CTNNA3: variants seen among roughly 807,000 people sequenced by gnomAD.
CTNNA3 encodes catenin alpha-3.
Under a neutral mutation model 95.7 loss-of-function variants are expected in CTNNA3, and 76 were observed. The ratio of observed to expected loss-of-function variants is 0.79; its 90% confidence interval spans 0.66 to 0.96. The LOEUF (loss-of-function observed/expected upper bound fraction) is 0.96, where lower values mean the gene tolerates loss of function less well. Among genes scored for constraint, CTNNA3 ranks in the 40% least tolerant of loss-of-function variants. The pLI is 0.00. For missense variants in CTNNA3, 1,191 were observed against 1,089.8 expected (o/e 1.09, Z -1.31); for synonymous variants, 431 against 374.4 (o/e 1.15, Z -1.74).
At chr10:67,031,363 T>C (rs1212395115) in intron 7 of CTNNA3, among the ~76,000 whole-genome samples, 1 of 152,154 alleles carries the variant, frequency 6.6e-6, no homozygotes, top group Non-Finnish European at 1.5e-5. Context: ...AAAAAATCAG[T>C]GTCAGATCTA....
rs79266616 is a variant in CTNNA3, at chr10:66,699,037, G to C, written c.1281+67227C>G. Among the ~76,000 whole-genome samples, 1,053 of 152,214 alleles carry C rather than the reference G, an allele frequency of 6.9e-3. 15 individuals are homozygous for C. Among genetic ancestry groups the C allele is most frequent in the African/African-American group, 0.024 (1,013 of 41,508 alleles). ...TATATTTGTGTATGTCTATATATAT[G>C]TACCTTTACACATACACACAGATAC... On this transcript the variant is annotated intron_variant, in intron 9 of 17. Transcript: ENST00000433211.
chr10:66,359,876 T>TAG (rs2092640082), intron 12 of CTNNA3, among the ~76,000 whole-genome samples: 2 of 151,566 alleles, frequency 1.3e-5, no homozygotes, highest in South Asian at 4.2e-4. Flanking sequence ...ATCCAGGCTG[T>TAG]AGTGCAGTGG....
At chr10:66,199,577 G>C (rs2087185342) in intron 13 of CTNNA3, among the ~76,000 whole-genome samples, 1 of 150,616 alleles carries the variant, frequency 6.6e-6, no homozygotes, top group Non-Finnish European at 1.5e-5. Flanking sequence ...CTACACTTCA[G>C]ACCAAATAGT....
intron 13 of CTNNA3, among the ~76,000 whole-genome samples, chr10:66,193,569 A>G (rs945671458): frequency 2.6e-5 from 4 of 152,332 alleles, no homozygotes; most frequent in African/African-American, 9.6e-5. Context: ...TTTTCACCTC[A>G]GAAATTATCA....
intron 11 of CTNNA3, among the ~76,000 whole-genome samples, chr10:66,424,162 T>C (rs2093219990): frequency 6.6e-6 from 1 of 152,154 alleles, no homozygotes; most frequent in South Asian, 2.1e-4. Flanking sequence ...ATTTACAGTA[T>C]GAGTTCTCCT....
At chr10:67,653,876 C>T (rs1363069129) in intron 1 of CTNNA3, among the ~76,000 whole-genome samples, 1 of 152,178 alleles carries the variant, frequency 6.6e-6, no homozygotes, top group African/African-American at 2.4e-5. Context: ...TAGCCAGTGT[C>T]TCAACTCCCT....
intron 1 of CTNNA3, among the ~76,000 whole-genome samples, chr10:67,649,770 T>C (rs1839824934): frequency 6.6e-6 from 1 of 152,228 alleles, no homozygotes; most frequent in African/African-American, 2.4e-5. Flanking sequence ...GATATAGCAA[T>C]ACCACAACGC....
intron 11 of CTNNA3, among the ~76,000 whole-genome samples, chr10:66,424,682 C>T (rs1018313555): frequency 6.0e-4 from 91 of 152,194 alleles, no homozygotes; most frequent in African/African-American, 2.1e-3. Context: ...CTTGAAGAGA[C>T]TTTCTTCCTT....
At chr10:66,385,132 A>G (rs529080971) in intron 11 of CTNNA3, among the ~76,000 whole-genome samples, 1 of 152,330 alleles carries the variant, frequency 6.6e-6, no homozygotes, top group South Asian at 2.1e-4. Flanking sequence ...AAACCCTTCA[A>G]AAAATCAATG....
intron 13 of CTNNA3, among the ~76,000 whole-genome samples, chr10:66,141,386 T>C (rs182254839): frequency 3.9e-5 from 6 of 152,214 alleles, no homozygotes; most frequent in African/African-American, 1.4e-4. Context: ...GGTTAAAATT[T>C]ACATTAAAGA....
chr10:66,362,754 G>A (rs1253996858), intron 12 of CTNNA3, among the ~76,000 whole-genome samples: 2 of 151,926 alleles, frequency 1.3e-5, no homozygotes, highest in Non-Finnish European at 2.9e-5. Flanking sequence ...TAAATTGGAA[G>A]CTTTAAAGAA....
At chr10:66,996,509 G>A (rs992742513) in intron 7 of CTNNA3, among the ~76,000 whole-genome samples, 5 of 151,890 alleles carry the variant, frequency 3.3e-5, no homozygotes, top group Admixed American at 6.6e-5. Flanking sequence ...CTAGCCGGGC[G>A]TGGTGGCGCG....
intron 2 of CTNNA3, among the ~76,000 whole-genome samples, chr10:67,616,406 G>A (rs147770701): frequency 7.2e-5 from 11 of 152,318 alleles, no homozygotes; most frequent in South Asian, 6.2e-4. Context: ...AGGCAAGGAT[G>A]GGATGAGGAA....
intron 1 of CTNNA3, among the ~76,000 whole-genome samples, chr10:67,650,428 T>C (rs3096244): frequency 0.55 from 83,520 of 151,974 alleles, 26,236 homozygotes; most frequent in African/African-American, 0.86. Flanking sequence ...TTTTCAGAAT[T>C]AAAGGAAGGA....
At chr10:67,095,534 A>C (rs187491247) in intron 7 of CTNNA3, among the ~76,000 whole-genome samples, 1 of 151,824 alleles carries the variant, frequency 6.6e-6, no homozygotes, top group Non-Finnish European at 1.5e-5. Flanking sequence ...AGTAGCCTTG[A>C]TACATTAAAT....
At chr10:66,364,294 G>T (rs2092696457) in intron 12 of CTNNA3, among the ~76,000 whole-genome samples, 1 of 134,454 alleles carries the variant, frequency 7.4e-6, no homozygotes. Flanking sequence ...TGAAATCCCA[G>T]AACTTTGGGA....
intron 15 of CTNNA3, among the ~76,000 whole-genome samples, chr10:66,066,907 C>A (rs1185667781): frequency 6.6e-6 from 1 of 152,002 alleles, no homozygotes; most frequent in Admixed American, 6.6e-5. Context: ...TTTCTATAGA[C>A]TCTTTTCATG....
chr10:67,444,711 A>T (rs1846671073), intron 5 of CTNNA3, among the ~76,000 whole-genome samples: 1 of 149,088 alleles, frequency 6.7e-6, no homozygotes, highest in Non-Finnish European at 1.5e-5. Context: ...ATTAAAAAAG[A>T]GATGTTACAA....
intron 12 of CTNNA3, among the ~76,000 whole-genome samples, chr10:66,305,076 C>T (rs1373569554): frequency 6.6e-6 from 1 of 152,078 alleles, no homozygotes; most frequent in African/African-American, 2.4e-5. Flanking sequence ...TCCTCAGCCC[C>T]TCTCTAACCC....
Sources: allele counts gnomAD v4.1 joint callset (sites outside exome capture counted in the v4.1 genomes callset), GRCh38; gene constraint gnomAD v4.1.1; transcripts MANE v1.5; gene names NCBI Gene and HGNC (gene_info 2026-07-23, HGNC 2026-07-21).